EDIL3: variants seen among roughly 807,000 people sequenced by gnomAD.
EDIL3 encodes the protein EGF-like repeat and discoidin I-like domain-containing protein 3.
In EDIL3, 37 loss-of-function variants were observed where a neutral mutation model predicts 67.4. The observed-to-expected ratio is 0.55, with a 90% CI of 0.42 to 0.72. The LOEUF (loss-of-function observed/expected upper bound fraction) is 0.72. Ranked by LOEUF, EDIL3 falls within the 30% of genes least tolerant of loss-of-function variation. EDIL3 has a pLI of 0.00. For synonymous variants in EDIL3, 195 were observed against 196.3 expected (o/e 0.99, Z 0.05); for missense variants, 527 against 586.3 (o/e 0.90, Z 1.04).
At chr5:83,969,796 T>C (rs1215861148) in intron 9 of EDIL3, among the ~76,000 whole-genome samples, 2 of 151,940 alleles carry the variant, frequency 1.3e-5, no homozygotes, top group African/African-American at 4.8e-5. Context: ...TAATTGTACA[T>C]ATTTATGAGG....
chr5:84,126,343 C>CT (rs1747869060), intron 5 of EDIL3, among the ~76,000 whole-genome samples: 1 of 151,884 alleles, frequency 6.6e-6, no homozygotes, highest in Admixed American at 6.6e-5. Context: ...GTTTCTAAAC[C>CT]TTTTTTATAG....
At chr5:84,015,990 C>G (rs909660437) in intron 9 of EDIL3, among the ~76,000 whole-genome samples, 2 of 152,056 alleles carry the variant, frequency 1.3e-5, no homozygotes, top group Admixed American at 1.3e-4. Flanking sequence ...CTCATCACCC[C>G]GGTCTCCAGC....
intron 2 of EDIL3, among the ~76,000 whole-genome samples, chr5:84,240,764 A>G (rs774614177): frequency 6.6e-6 from 1 of 152,108 alleles, no homozygotes; most frequent in South Asian, 2.1e-4. Context: ...ACAGATCCAC[A>G]TTACCTTCCT....
At chr5:84,059,016 A>C (rs2112233856) in intron 9 of EDIL3, among the ~76,000 whole-genome samples, 1 of 152,260 alleles carries the variant, frequency 6.6e-6, no homozygotes, top group East Asian at 1.9e-4. Flanking sequence ...ATAAAGCTCT[A>C]GATCAATAAA....
At chr5:84,203,165 C>T (rs1419207580) in intron 3 of EDIL3, among the ~76,000 whole-genome samples, 2 of 152,114 alleles carry the variant, frequency 1.3e-5, no homozygotes, top group Non-Finnish European at 2.9e-5. Flanking sequence ...TTATCATCTT[C>T]AAACTATTGA....
At chr5:83,953,987 A>G (rs1428597092) in intron 10 of EDIL3, among the ~76,000 whole-genome samples, 3 of 151,840 alleles carry the variant, frequency 2.0e-5, no homozygotes, top group African/African-American at 7.2e-5. Context: ...ATAGTTTCCC[A>G]TAAACATGGA....
At chr5:83,970,258 A>T (rs762015234) in intron 9 of EDIL3, among the ~76,000 whole-genome samples, 385 of 20,200 alleles carry the variant, frequency 0.019, no homozygotes, top group Non-Finnish European at 0.11. Flanking sequence ...GTCACTAATT[A>T]TATATATATA....
chr5:84,089,755 C>G (rs944712341), intron 6 of EDIL3, among the ~76,000 whole-genome samples: 1 of 152,106 alleles, frequency 6.6e-6, no homozygotes, highest in Admixed American at 6.5e-5. Context: ...TCCTATTACC[C>G]CTACAGATAT....
At position 84,044,215 on chromosome 5, in the gene EDIL3, T is replaced by C. The variant is rs911341944; in HGVS notation, c.1137+16085A>G. Among the ~76,000 whole-genome samples the C allele has an allele frequency of 2.0e-5, 3 of 152,304 alleles. No homozygotes were observed. The South Asian group carries it at 6.2e-4, about 32-fold the overall frequency. Reference sequence around the variant, plus strand: ...GAATGATGGTTTCCAGCTGCATCCATGTTAAAAAGCACTCCATGAAAAATA... The same window carrying C: ...GAATGATGGTTTCCAGCTGCATCCACGTTAAAAAGCACTCCATGAAAAATA... On this transcript the variant is annotated intron_variant, in intron 9 of 10. Coordinates refer to ENST00000296591, the MANE Select transcript of EDIL3 (RefSeq NM_005711.5).
At chr5:84,093,973 T>A (rs1373862089) in intron 6 of EDIL3, among the ~76,000 whole-genome samples, 1 of 152,140 alleles carries the variant, frequency 6.6e-6, no homozygotes, top group Admixed American at 6.6e-5. Context: ...TGCAGCTTTT[T>A]AAAAATACAG....
intron 10 of EDIL3, among the ~76,000 whole-genome samples, chr5:83,961,665 G>A (rs981815781): frequency 6.8e-6 from 1 of 147,708 alleles, no homozygotes; most frequent in African/African-American, 2.6e-5. Flanking sequence ...TATAACTTAT[G>A]AAGTTTAAAA....
chr5:83,980,645 G>A (rs926666203), intron 9 of EDIL3, among the ~76,000 whole-genome samples: 5 of 148,974 alleles, frequency 3.4e-5, no homozygotes, highest in African/African-American at 7.4e-5. Flanking sequence ...CTGAGATTGC[G>A]CCACTGCACT....
chr5:84,380,902 AT>A (rs1748061882), intron 1 of EDIL3, among the ~76,000 whole-genome samples: 1 of 152,092 alleles, frequency 6.6e-6, no homozygotes. Flanking sequence ...GAAGAAAAAA[AT>A]CACATGTATC....
intron 6 of EDIL3, among the ~76,000 whole-genome samples, chr5:84,070,614 T>A (rs1746722943): frequency 1.0e-5 from 1 of 95,802 alleles, no homozygotes. Context: ...AGAGTGTGTG[T>A]GTGTGTGTGT....
At chr5:83,966,747 T>C (rs1744697831) in intron 9 of EDIL3, among the ~76,000 whole-genome samples, 1 of 152,020 alleles carries the variant, frequency 6.6e-6, no homozygotes, top group African/African-American at 2.4e-5. Flanking sequence ...GGTATAGCAA[T>C]ATATAAACAC....
chr5:83,952,497 T>TA (rs774031888), intron 10 of EDIL3, among the ~76,000 whole-genome samples: 2 of 151,856 alleles, frequency 1.3e-5, no homozygotes, highest in Non-Finnish European at 2.9e-5. Flanking sequence ...AAAGTAGAAT[T>TA]GGGAAACCAT....
intron 6 of EDIL3, among the ~76,000 whole-genome samples, chr5:84,104,242 G>T (rs979860724): frequency 6.6e-6 from 1 of 151,938 alleles, no homozygotes; most frequent in Non-Finnish European, 1.5e-5. Flanking sequence ...GTGAAGGATG[G>T]GAGGAGGGAA....
chr5:84,195,877 C>A (rs1054634749), intron 3 of EDIL3, among the ~76,000 whole-genome samples: 2 of 152,028 alleles, frequency 1.3e-5, no homozygotes, highest in East Asian at 3.9e-4. Flanking sequence ...GATCTATATG[C>A]TAGAGGGGAA....
chr5:84,151,409 C>A (rs1748387586), intron 4 of EDIL3, among the ~76,000 whole-genome samples: 1 of 151,996 alleles, frequency 6.6e-6, no homozygotes, highest in Admixed American at 6.6e-5. Flanking sequence ...ATGTGAGAAC[C>A]ATGCAGTCCA....
Sources: allele counts gnomAD v4.1 joint callset (sites outside exome capture counted in the v4.1 genomes callset), GRCh38; gene constraint gnomAD v4.1.1; transcripts MANE v1.5; gene names NCBI Gene and HGNC (gene_info 2026-07-23, HGNC 2026-07-21).